KLF8: variants seen among roughly 807,000 people sequenced by gnomAD.
The protein encoded by KLF8 is KLF transcription factor 8.
KLF8 carries 10 observed loss-of-function variants against 18.2 expected under a neutral mutation model. That is an observed-to-expected ratio of 0.55 (90% CI 0.34 to 0.93). KLF8 has a LOEUF of 0.93. Ranked by LOEUF, KLF8 falls within the 40% of genes least tolerant of loss-of-function variation. The pLI, the probability that KLF8 is intolerant of heterozygous loss-of-function variation, is 0.02. For synonymous variants in KLF8, 109 were observed against 97.3 expected (o/e 1.12, Z -0.71); for missense variants, 264 against 277.9 (o/e 0.95, Z 0.36).
At chrX:56,084,672 G>T in the KLF8 span, among the ~76,000 whole-genome samples, 1 of 112,034 alleles carries the variant, frequency 8.9e-6, no homozygotes, top group African/African-American at 3.2e-5. Flanking sequence ...TTGGTTATCT[G>T]CAACCTCTAA....
At chrX:55,908,704 G>A in the KLF8 span, 5 of 285,278 alleles carry the variant, frequency 1.8e-5, no homozygotes, top group East Asian at 2.0e-4. Context: ...GAGGGAGTGA[G>A]GACCCCGGGT....
chrX:56,051,461 C>T, the KLF8 span, among the ~76,000 whole-genome samples: 2 of 109,985 alleles, frequency 1.8e-5, no homozygotes, highest in African/African-American at 3.3e-5. Flanking sequence ...TAAGGCAGGC[C>T]TGGTGGTGAC....
the KLF8 span, among the ~76,000 whole-genome samples, chrX:56,106,077 C>T: frequency 1.1e-4 from 12 of 111,070 alleles, no homozygotes; most frequent in Admixed American, 1.9e-4. Context: ...GGATTTTTAC[C>T]GAGAGACAGC....
chrX:56,084,246 G>A, the KLF8 span, among the ~76,000 whole-genome samples: 5 of 110,545 alleles, frequency 4.5e-5, no homozygotes, highest in Admixed American at 4.8e-4. Flanking sequence ...GGCCAAGCGT[G>A]GTGGCACATG....
the KLF8 span, among the ~76,000 whole-genome samples, chrX:56,019,552 C>A: frequency 3.6e-4 from 40 of 112,548 alleles, no homozygotes; most frequent in African/African-American, 1.2e-3. Flanking sequence ...AATACTTTAA[C>A]ATCTCTGTGG....
At chrX:56,005,173 G>T in the KLF8 span, among the ~76,000 whole-genome samples, 1 of 110,479 alleles carries the variant, frequency 9.1e-6, no homozygotes, top group African/African-American at 3.3e-5. Context: ...CTCCAGAGTA[G>T]CTGGGATTAC....
the KLF8 span, among the ~76,000 whole-genome samples, chrX:55,998,311 G>C: frequency 4.9e-4 from 54 of 111,168 alleles, no homozygotes; most frequent in Admixed American, 4.4e-3. Context: ...CCTCAGCACA[G>C]ACCCTTTACG....
the KLF8 span, among the ~76,000 whole-genome samples, chrX:56,225,080 C>T: frequency 1.8e-5 from 2 of 111,722 alleles, no homozygotes; most frequent in Non-Finnish European, 3.8e-5. Context: ...TTAATACCAT[C>T]ACATTGGGAG....
intron 1 of KLF8, among the ~76,000 whole-genome samples, chrX:56,245,171 T>A (rs2066606475): frequency 8.9e-6 from 1 of 112,525 alleles, no homozygotes; most frequent in African/African-American, 3.2e-5. Flanking sequence ...CTGTATCCTG[T>A]CAAAGCACAA....
At chrX:56,125,889 G>T in the KLF8 span, among the ~76,000 whole-genome samples, 1 of 111,809 alleles carries the variant, frequency 8.9e-6, no homozygotes, top group Non-Finnish European at 1.9e-5. Context: ...ACTTCCTAGG[G>T]TTTGGGGAAT....
intron 2 of KLF8, among the ~76,000 whole-genome samples, chrX:56,255,467 A>G (rs922040951): frequency 8.9e-6 from 1 of 112,423 alleles, no homozygotes; most frequent in Non-Finnish European, 1.9e-5. Context: ...AGTGTTGACA[A>G]TGGGCATCCT....
At chrX:56,093,403 G>A in the KLF8 span, among the ~76,000 whole-genome samples, 1 of 111,047 alleles carries the variant, frequency 9.0e-6, no homozygotes, top group African/African-American at 3.3e-5. Context: ...GTGGAGTAAG[G>A]TATTTATAAA....
chrX:56,092,030 G>C, the KLF8 span, among the ~76,000 whole-genome samples: 2 of 103,755 alleles, frequency 1.9e-5, 1 homozygote, highest in Admixed American at 2.1e-4. Context: ...ACTGGTGTAA[G>C]ATGGTATCTG....
chrX:55,994,148 G>T, the KLF8 span, among the ~76,000 whole-genome samples: 1 of 110,216 alleles, frequency 9.1e-6, no homozygotes, highest in Non-Finnish European at 1.9e-5. Flanking sequence ...CTGGCCTCAT[G>T]ATCCACCTGC....
At chrX:56,154,356 T>G in the KLF8 span, among the ~76,000 whole-genome samples, 3 of 111,711 alleles carry the variant, frequency 2.7e-5, no homozygotes, top group Non-Finnish European at 5.6e-5. Context: ...AATGGGGAAA[T>G]GATTCCCTAT....
chrX:56,136,597 A>G, the KLF8 span, among the ~76,000 whole-genome samples: 3 of 111,579 alleles, frequency 2.7e-5, no homozygotes, highest in Non-Finnish European at 5.7e-5. Flanking sequence ...TTATACAAAA[A>G]TCAATTCAAG....
intron 5 of KLF8, among the ~76,000 whole-genome samples, chrX:56,272,066 TAAG>T (rs1274357528): frequency 1.8e-5 from 2 of 111,722 alleles, no homozygotes; most frequent in Non-Finnish European, 3.8e-5. Context: ...CCTAGTGGTG[TAAG>T]CTTCCCATAT....
the KLF8 span, among the ~76,000 whole-genome samples, chrX:56,147,665 G>C: frequency 1.8e-5 from 2 of 111,670 alleles, no homozygotes; most frequent in Non-Finnish European, 3.8e-5. Flanking sequence ...TTTATTTTTG[G>C]TGTGATGAAA....
At chrX:55,972,412 G>A in the KLF8 span, among the ~76,000 whole-genome samples, 1 of 90,671 alleles carries the variant, frequency 1.1e-5, no homozygotes, top group Non-Finnish European at 2.2e-5. Context: ...ATTGGAGAGG[G>A]GTGTGAGGAT....
Sources: gnomAD v4.1 joint callset for allele counts (sites outside exome capture counted in the v4.1 genomes callset) on GRCh38, gnomAD v4.1.1 for gene constraint, MANE v1.5 for transcripts, NCBI Gene and HGNC (gene_info 2026-07-23, HGNC 2026-07-21) for gene names.